The following TENM1 variants were observed in gnomAD, a reference collection of about 807,000 sequenced individuals.
TENM1 encodes teneurin transmembrane protein 1, also known as teneurin-1.
TENM1 carries 35 observed loss-of-function variants against 174.8 expected under a neutral mutation model. That is an observed-to-expected ratio of 0.20 (90% CI 0.15 to 0.27). The LOEUF is 0.27. Among genes scored for constraint, TENM1 ranks in the 10% least tolerant of loss-of-function variants. The pLI, the probability that TENM1 is intolerant of heterozygous loss-of-function variation, is 1.00. For missense variants in TENM1, 1,633 were observed against 2,130.1 expected, an observed-to-expected ratio of 0.77 and a Z score of 4.59; for synonymous variants, 781 against 798.7, an observed-to-expected ratio of 0.98 and a Z score of 0.37.
At chrX:125,203,248 G>A in the TENM1 span, among the ~76,000 whole-genome samples, 2 of 112,820 alleles carry the variant, frequency 1.8e-5, no homozygotes, top group Admixed American at 1.9e-4. Context: ...TAGCCCTTGG[G>A]CATATTCTCT....
chrX:125,195,222 C>A, the TENM1 span, among the ~76,000 whole-genome samples: 1 of 111,574 alleles, frequency 9.0e-6, no homozygotes, highest in Non-Finnish European at 1.9e-5. Flanking sequence ...AAAACAGGAG[C>A]CTTCAAGACC....
At chrX:125,112,219 C>T in the TENM1 span, among the ~76,000 whole-genome samples, 4 of 104,375 alleles carry the variant, frequency 3.8e-5, no homozygotes, top group African/African-American at 1.4e-4. Flanking sequence ...AATTAACAAA[C>T]CTTTACATAT....
chrX:124,709,228 G>A (rs558561192), intron 4 of TENM1, among the ~76,000 whole-genome samples: 14 of 111,703 alleles, frequency 1.3e-4, no homozygotes, highest in African/African-American at 4.6e-4. Context: ...TTTTACAGAT[G>A]AGACGATCTA....
At chrX:125,103,804 G>A in the TENM1 span, among the ~76,000 whole-genome samples, 1 of 111,636 alleles carries the variant, frequency 9.0e-6, no homozygotes, top group African/African-American at 3.3e-5. Flanking sequence ...TGACCAATAT[G>A]GTGAAAACCC....
intron 3 of TENM1, among the ~76,000 whole-genome samples, chrX:124,844,130 C>T (rs1423379164): frequency 3.6e-5 from 4 of 111,210 alleles, no homozygotes. Context: ...TGTGTGGAAT[C>T]GTTAGTTAGA....
intron 1 of TENM1, among the ~76,000 whole-genome samples, chrX:124,926,674 C>A (rs752318098): frequency 4.5e-5 from 5 of 111,896 alleles, no homozygotes; most frequent in African/African-American, 1.6e-4. Context: ...TTTTAGTACA[C>A]TGACTCCTTC....
chrX:124,780,111 C>A (rs944827730), intron 3 of TENM1, among the ~76,000 whole-genome samples: 58 of 111,806 alleles, frequency 5.2e-4, no homozygotes, highest in Non-Finnish European at 1.0e-3. Context: ...TTACAATATA[C>A]TTATTTAGTG....
chrX:125,030,785 G>A, the TENM1 span, among the ~76,000 whole-genome samples: 2 of 111,643 alleles, frequency 1.8e-5, no homozygotes, highest in Admixed American at 9.6e-5. Flanking sequence ...GCTGTTAAGT[G>A]TTACTAGTAG....
At chrX:125,203,067 G>A in the TENM1 span, among the ~76,000 whole-genome samples, 8 of 112,433 alleles carry the variant, frequency 7.1e-5, no homozygotes, top group African/African-American at 2.6e-4. Context: ...CGCCTGGGTT[G>A]TAATGACTAT....
chrX:124,642,785 C>A (rs2051051205), intron 10 of TENM1, among the ~76,000 whole-genome samples: 1 of 111,976 alleles, frequency 8.9e-6, no homozygotes, highest in African/African-American at 3.2e-5. Context: ...TAACTAGTAA[C>A]CATTCCATGG....
At chrX:125,116,456 C>T in the TENM1 span, among the ~76,000 whole-genome samples, 1 of 111,992 alleles carries the variant, frequency 8.9e-6, no homozygotes, top group Non-Finnish European at 1.9e-5. Flanking sequence ...AGGCAACCTA[C>T]AGAACGGGAG....
chrX:124,873,852 A>G (rs1411342011), intron 3 of TENM1, among the ~76,000 whole-genome samples: 1 of 111,827 alleles, frequency 8.9e-6, no homozygotes, highest in African/African-American at 3.2e-5. Flanking sequence ...ATAAAATATC[A>G]TAAATAAATA....
chrX:124,588,754 C>T (rs113585423), intron 11 of TENM1, among the ~76,000 whole-genome samples: 1,229 of 111,589 alleles, frequency 0.011, 18 homozygotes, highest in African/African-American at 0.038. Flanking sequence ...TCTGTGTATC[C>T]TGAAACTTTA....
At chrX:124,698,937 C>T (rs2052712105) in intron 5 of TENM1, among the ~76,000 whole-genome samples, 1 of 111,411 alleles carries the variant, frequency 9.0e-6, no homozygotes, top group Non-Finnish European at 1.9e-5. Context: ...TACTGGCCCT[C>T]CCCACTCTGG....
the TENM1 span, among the ~76,000 whole-genome samples, chrX:125,063,218 C>A: frequency 1.8e-5 from 2 of 111,900 alleles, no homozygotes; most frequent in Admixed American, 9.5e-5. Context: ...GAGACAGATA[C>A]AAAGAGACTT....
At chrX:124,834,341 T>C (rs2056350309) in intron 3 of TENM1, among the ~76,000 whole-genome samples, 1 of 110,994 alleles carries the variant, frequency 9.0e-6, no homozygotes, top group African/African-American at 3.3e-5. Flanking sequence ...CCGGCTAATT[T>C]TTGTAGGTTT....
intron 23 of TENM1, among the ~76,000 whole-genome samples, chrX:124,442,157 TG>T (rs1319334294): frequency 8.9e-6 from 1 of 112,603 alleles, no homozygotes; most frequent in African/African-American, 3.2e-5. Context: ...CTGAATTATC[TG>T]GAGTGTGGCC....
intron 3 of TENM1, among the ~76,000 whole-genome samples, chrX:124,794,141 G>A (rs1353505381): frequency 9.0e-6 from 1 of 111,155 alleles, no homozygotes; most frequent in Non-Finnish European, 1.9e-5. Flanking sequence ...GATATTTTGA[G>A]TAGAGCCATC....
the TENM1 span, among the ~76,000 whole-genome samples, chrX:125,078,717 G>A: frequency 1.1e-3 from 118 of 111,486 alleles, no homozygotes; most frequent in Non-Finnish European, 1.7e-3. Context: ...ATGCACTGAA[G>A]GAAATACACA....
Sources: allele counts gnomAD v4.1 joint callset (sites outside exome capture counted in the v4.1 genomes callset), GRCh38; gene constraint gnomAD v4.1.1; transcripts MANE v1.5; gene names NCBI Gene and HGNC (gene_info 2026-07-23, HGNC 2026-07-21).